Variants in GALNT9 observed in about 807,000 individuals in gnomAD.
GALNT9 encodes the protein polypeptide N-acetylgalactosaminyltransferase 9.
A neutral mutation model predicts 63.1 loss-of-function variants in GALNT9; 47 were observed. The ratio of observed to expected loss-of-function variants is 0.75; its 90% CI spans 0.59 to 0.95. GALNT9 has a LOEUF of 0.95. GALNT9 is among the 40% of genes least tolerant of loss of function. The pLI is 0.00. For synonymous variants in GALNT9, 396 were observed against 365.7 expected (o/e 1.08, Z -0.94); for missense variants, 829 against 874.8 (o/e 0.95, Z 0.66).
At chr12:132,203,210 G>A (rs373427625) in intron 7 of GALNT9, among the ~76,000 whole-genome samples, 1 of 152,288 alleles carries the variant, frequency 6.6e-6, no homozygotes, top group Non-Finnish European at 1.5e-5. Context: ...GGGAGAGGCC[G>A]CCCCTCCCTG....
Position 132,279,164 on chromosome 12 carries a change from C to G in GALNT9, c.419+7086G>C, listed in dbSNP as rs1355993143. The G allele has an allele frequency of 6.6e-6, 1 of 152,332 alleles. No homozygotes were observed. Among genetic ancestry groups the G allele is most frequent in the South Asian group, 2.1e-4 (1 of 4,834 alleles). 9.4% of individuals were successfully genotyped at this position (152,332 alleles called of 1,614,324 possible). ...GGCTGCTCCCCAGCTGCTCTGCTCC[C>G]CAGCTCCCTACAACGCGGATTTATT... On this transcript the variant is annotated intron_variant, in intron 2 of 10. Transcript: ENST00000328957. The surrounding 1 kb of genome is among the most constrained non-coding windows in gnomAD (Gnocchi z 4.1).
chr12:132,322,364 C>T (rs1868840616), intron 1 of GALNT9, among the ~76,000 whole-genome samples: 1 of 152,262 alleles, frequency 6.6e-6, no homozygotes, highest in African/African-American at 2.4e-5. Flanking sequence ...TTCAGGAATG[C>T]AGCAGGTGCT....
In GALNT9 at chr12:132,286,560, A is replaced by G. The variant is rs2135562509; in HGVS notation, c.239-130T>C. The G allele has an allele frequency of 1.5e-6, 2 of 1,368,766 alleles. No homozygotes were observed. Among genetic ancestry groups the G allele is most frequent in the East Asian group, 2.5e-5 (1 of 39,550 alleles). 84.8% of individuals were successfully genotyped at this position (1,368,766 alleles called of 1,614,324 possible). A position where few individuals can be genotyped will look rare whatever the true frequency, so the allele number is the denominator to read the frequency against. On this transcript the variant is annotated intron_variant, in intron 1 of 10. Transcript: ENST00000328957. The surrounding 1 kb of genome is among the most constrained non-coding windows in gnomAD (Gnocchi z 7.4). Reference sequence around the variant, plus strand: ...TACAAGCCCAGCAAACTCCCTGCAGATGGCAGGCTGCCAGCTCAGGACATT... The same window carrying G: ...TACAAGCCCAGCAAACTCCCTGCAGGTGGCAGGCTGCCAGCTCAGGACATT...
intron 1 of GALNT9, among the ~76,000 whole-genome samples, chr12:132,302,968 AG>A (rs1230212346): frequency 9.4e-5 from 6 of 63,550 alleles, no homozygotes; most frequent in Admixed American, 7.9e-4. Flanking sequence ...TGACCGTCTA[AG>A]GGGGGCGAGG....
At position 132,265,814 on chromosome 12, in the gene GALNT9, A is replaced by G. The variant is rs73166901; in HGVS notation, c.420-3189T>C. The stretch of plus-strand genomic sequence containing the variant: ...TCTCCAGGACACTGTACACACAGTT[A>G]CACTCCAAGTTCAGCTCATTTTAAT... On this transcript the variant is annotated intron_variant, in intron 2 of 10. Coordinates refer to ENST00000328957, the MANE Select transcript of GALNT9 (RefSeq NM_001122636.2). This position sits in a 1 kb window ranked among gnomAD's most constrained non-coding sequence, Gnocchi z 5.3. 7.9e-5 allele frequency among the ~76,000 whole-genome samples: 12 copies of G among 152,184 alleles called. No individual in the cohort carries two copies. Among genetic ancestry groups the G allele is most frequent in the South Asian group, 4.1e-4 (2 of 4,836 alleles).
chr12:132,197,768 G>T (rs115151331), intron 10 of GALNT9, 24 bp downstream of exon 10: 21 of 617,140 alleles, frequency 3.4e-5, no homozygotes, highest in Non-Finnish European at 5.6e-5. Context: ...CCAACCCCAC[G>T]GCCCCCCTTC....
chr12:132,204,597 G>A (rs1310466525), intron 6 of GALNT9, among the ~76,000 whole-genome samples: 8 of 152,124 alleles, frequency 5.3e-5, no homozygotes, highest in Non-Finnish European at 7.4e-5. Flanking sequence ...GCCAGCCGAC[G>A]GCCAATCTCG....
chr12:132,302,873 G>C (rs1165944255), intron 1 of GALNT9, among the ~76,000 whole-genome samples: 2 of 152,296 alleles, frequency 1.3e-5, no homozygotes, highest in East Asian at 1.9e-4. Flanking sequence ...TGTAGGAAGT[G>C]GGAGCGCAGA....
At chr12:132,206,880 C>T (rs1392838246) in intron 6 of GALNT9, among the ~76,000 whole-genome samples, 3 of 152,144 alleles carry the variant, frequency 2.0e-5, no homozygotes, top group African/African-American at 7.2e-5. Context: ...GCCTGGGCAA[C>T]ATAGTGAGAC....
intron 6 of GALNT9, among the ~76,000 whole-genome samples, chr12:132,221,696 G>T (rs2135520542): frequency 6.7e-6 from 1 of 148,670 alleles, no homozygotes; most frequent in South Asian, 2.1e-4. Context: ...AGCCTGAGAT[G>T]GACAATGTAT....
At chr12:132,285,615 A>G (rs1467736973) in intron 2 of GALNT9, among the ~76,000 whole-genome samples, 4 of 152,330 alleles carry the variant, frequency 2.6e-5, no homozygotes, top group African/African-American at 7.2e-5. Context: ...TTCGCTTCAG[A>G]CACAAGCGAC....
intron 6 of GALNT9, among the ~76,000 whole-genome samples, chr12:132,243,513 C>G (rs2136905628): frequency 3.9e-5 from 6 of 152,230 alleles, no homozygotes; most frequent in African/African-American, 1.4e-4. Flanking sequence ...AAGTTGGGTT[C>G]GTAGGGGCAG....
At chr12:132,218,559 C>T (rs981559067) in intron 6 of GALNT9, among the ~76,000 whole-genome samples, 6 of 152,212 alleles carry the variant, frequency 3.9e-5, no homozygotes, top group Admixed American at 6.5e-5. Context: ...AGGTCGGTTT[C>T]GGGAAATGAT....
intron 6 of GALNT9, among the ~76,000 whole-genome samples, chr12:132,215,964 G>A (rs1658795775): frequency 6.6e-6 from 1 of 152,172 alleles, no homozygotes; most frequent in South Asian, 2.1e-4. Context: ...CTCAGCCAAA[G>A]GACTCCTAAG....
intron 6 of GALNT9, chr12:132,247,478 C>A: frequency 2.5e-6 from 1 of 393,166 alleles, no homozygotes. Flanking sequence ...GGAGCCTTGG[C>A]CGCCCAGCTT....
intron 6 of GALNT9, among the ~76,000 whole-genome samples, chr12:132,219,523 G>A (rs1395542715): frequency 1.3e-5 from 2 of 152,090 alleles, no homozygotes; most frequent in Non-Finnish European, 2.9e-5. Flanking sequence ...CTGGGCGTGC[G>A]GCCAGGATCC....
chr12:132,257,667 G>T, intron 5 of GALNT9, 22 bp downstream of exon 5: 5 of 1,530,106 alleles, frequency 3.3e-6, no homozygotes, highest in Non-Finnish European at 3.5e-6. Context: ...GGCCGCCCTC[G>T]ACCCCTGAGG....
rs372565696 is a variant in GALNT9 at position 132,286,321 on chromosome 12, C to A, written c.348G>T (p.Glu116Asp). 6 of 1,551,182 alleles carry A rather than the reference C, an allele frequency of 3.9e-6. No individual in the cohort carries two copies. The highest frequency in any genetic ancestry group is 4.4e-6 in the Non-Finnish European group (5 of 1,146,918). The change falls in exon 2 of 11, where the codon GAG (glutamate) becomes GAT (aspartate). Residue 116 changes from glutamate to aspartate, a missense_variant. Physicochemically the swap from Glu to Asp is conservative, Grantham distance 45. Transcript: ENST00000328957. The surrounding 1 kb of genome is among the most constrained non-coding windows in gnomAD (Gnocchi z 7.4). ...CGCTGAGCTGAGCGTTGTAGCCGTA[C>A]TCCTCATACTTGCCTTCCGCCTCCT... is the stretch of plus-strand genomic sequence containing the variant. The part of the protein sequence containing the change: ...DGQEAEGKYE[E>D]YGYNAQLSDR...
intron 5 of GALNT9, among the ~76,000 whole-genome samples, chr12:132,249,849 C>A (rs1444866148): frequency 6.6e-6 from 1 of 152,226 alleles, no homozygotes; most frequent in African/African-American, 2.4e-5. Flanking sequence ...GTGGGGCTGC[C>A]TGTCACCGTG....
Sources: gnomAD v4.1 joint callset for allele counts (sites outside exome capture counted in the v4.1 genomes callset) on GRCh38, gnomAD v4.1.1 for gene constraint, Gnocchi (gnomAD v3.1) non-coding constraint, MANE v1.5 for transcripts, NCBI Gene and HGNC (gene_info 2026-07-23, HGNC 2026-07-21) for gene names.